Variants in FHL3 observed in about 807,000 individuals in gnomAD.
FHL3 encodes the protein four and a half LIM domains protein 3.
A neutral mutation model predicts 34.3 loss-of-function variants in FHL3; 21 were observed. The observed-to-expected ratio is 0.61, with a 90% CI of 0.43 to 0.88. The LOEUF is 0.88. Ranked by LOEUF, FHL3 falls within the 40% of genes least tolerant of loss-of-function variation. FHL3 has a pLI of 0.00. For synonymous variants in FHL3, 137 were observed against 144.6 expected (o/e 0.95, Z 0.38); for missense variants, 333 against 373.7 (o/e 0.89, Z 0.90).
intron 3 of FHL3, among the ~76,000 whole-genome samples, chr1:37,998,448 A>C (rs1030115246): frequency 6.6e-6 from 1 of 152,086 alleles, no homozygotes; most frequent in Non-Finnish European, 1.5e-5. Flanking sequence ...GCCCTCATAT[A>C]ACAGATGTGA....
In FHL3 at chr1:37,999,087, C is replaced by T. The variant is rs149245838; in HGVS notation, c.218G>A (p.Arg73His). Residue 73 changes from arginine to histidine, a missense_variant, in exon 3 of 6, where the codon CGC (arginine) becomes CAC (histidine). Physicochemically the swap from Arg to His is conservative, Grantham distance 29. Transcript: ENST00000373016. ...GGTGAAGGGTTCATCGGCTAGTGAG[C>T]GCTGGCAGCGGCAGCAGCGGAAGCA... ...EGCFRCCRCQRSLADEPFTCQ... is the reference protein window; with the variant it reads ...EGCFRCCRCQHSLADEPFTCQ... 8.8e-5 allele frequency: 142 copies of T among 1,614,160 alleles called. No homozygotes were observed. In the African/African-American group the frequency reaches 1.1e-3, roughly 12 times the overall value.
intron 1 of FHL3, among the ~76,000 whole-genome samples, chr1:38,003,817 G>C (rs1646618410): frequency 6.6e-6 from 1 of 152,162 alleles, no homozygotes; most frequent in South Asian, 2.1e-4. Context: ...TGGTGACATG[G>C]GGGTGGTCAG....
At chr1:38,003,665 A>G (rs563824522) in intron 1 of FHL3, among the ~76,000 whole-genome samples, 1 of 152,336 alleles carries the variant, frequency 6.6e-6, no homozygotes, top group South Asian at 2.1e-4. Flanking sequence ...ACAGAGTATC[A>G]TCCCCATTTT....
At chr1:37,998,903 A>G in intron 3 of FHL3, 71 bp downstream of exon 3, 1 of 1,472,844 alleles carries the variant, frequency 6.8e-7, no homozygotes, top group African/African-American at 1.4e-5. Context: ...GTCTCCATGT[A>G]TCAGACAGAC....
chr1:38,003,872 TCTC>T (rs948577053), intron 1 of FHL3, among the ~76,000 whole-genome samples: 1 of 151,984 alleles, frequency 6.6e-6, no homozygotes, highest in Non-Finnish European at 1.5e-5. Context: ...GCCTGGCTCT[TCTC>T]CTCAGCTGCT....
chr1:37,999,475 T>G (rs1415052806), intron 1 of FHL3, 43 bp from the exon 2 acceptor site: 1 of 1,587,652 alleles, frequency 6.3e-7, no homozygotes, highest in Non-Finnish European at 8.6e-7. Flanking sequence ...ACAGAGAGGC[T>G]GTGGCTTGGC....
chr1:38,004,897 A>G (rs1197648188), intron 1 of FHL3, among the ~76,000 whole-genome samples: 1 of 151,532 alleles, frequency 6.6e-6, no homozygotes, highest in Non-Finnish European at 1.5e-5. Context: ...TGCTCCACAA[A>G]GCCTAGGACG....
intron 1 of FHL3, among the ~76,000 whole-genome samples, chr1:38,001,994 T>C (rs78869780): frequency 6.3e-4 from 96 of 152,276 alleles, no homozygotes; most frequent in Non-Finnish European, 1.1e-3. Context: ...AGATAATAAA[T>C]ACTCAGAAAA....
chr1:37,998,884 A>G lies in FHL3; in HGVS notation c.331+90T>C, dbSNP rs544071756. ...ACATGCTGTGTATGCAGGTCTTTAC[A>G]CAGACCAAGTCTCCATGTATCAGAC... On this transcript the variant is annotated intron_variant, in intron 3 of 5. Transcript: ENST00000373016. 6.3e-5 allele frequency: 87 copies of G among 1,390,580 alleles called. No individual in the cohort carries two copies. The South Asian group carries it at 1.0e-3, about 17-fold the overall frequency. The allele number at this position is 1,390,580 out of a possible 1,614,324, so 86.1% of individuals were successfully genotyped here.
chr1:37,998,369 C>G (rs893058617), intron 3 of FHL3, among the ~76,000 whole-genome samples: 1 of 152,090 alleles, frequency 6.6e-6, no homozygotes, highest in African/African-American at 2.4e-5. Flanking sequence ...CCCCATATGT[C>G]CCAGAGATGA....
At position 37,999,424 on chromosome 1, in the gene FHL3, G is replaced by A; in HGVS notation, c.-12C>T. 1.2e-6 allele frequency: 2 copies of A among 1,613,908 alleles called. No individual in the cohort carries two copies. The highest frequency in any genetic ancestry group is 3.4e-4 in the Middle Eastern group (2 of 5,900). ...AATGACTCGCTCATGGTGGCAAGGG[G>A]AGAGAACCCTGTTAGGAGCACAAGG... On this transcript the variant is annotated 5_prime_UTR_variant, in exon 2 of 6. Coordinates refer to ENST00000373016, the MANE Select transcript of FHL3 (RefSeq NM_004468.5).
intron 1 of FHL3, 43 bp from the exon 2 acceptor site, chr1:37,999,475 T>C: frequency 6.3e-7 from 1 of 1,587,770 alleles, no homozygotes; most frequent in Non-Finnish European, 8.6e-7. Context: ...ACAGAGAGGC[T>C]GTGGCTTGGC....
At chr1:37,998,925 C>T (rs753448479) in intron 3 of FHL3, 49 bp downstream of exon 3, 2 of 1,582,652 alleles carry the variant, frequency 1.3e-6, no homozygotes, top group South Asian at 2.2e-5. Context: ...CATGCAAAGA[C>T]CCTACGCAGA....
Position 37,997,479 on chromosome 1 carries a change from A to G in FHL3, c.769T>C (p.Ser257Pro). The G allele has an allele frequency of 6.2e-7, 1 of 1,613,840 alleles. No homozygotes were observed. Among genetic ancestry groups the G allele is most frequent in the Non-Finnish European group, 8.5e-7 (1 of 1,179,916 alleles). Reference sequence around the variant, plus strand: ...GGTACGAAGCCCTGGCCCACCAGGGAGGTAGAGCAGCGGGCGCAGGAGAAG... The same window carrying G: ...GGTACGAAGCCCTGGCCCACCAGGGGGGTAGAGCAGCGGGCGCAGGAGAAG... ...NCFSCARCST[S>P]LVGQGFVPDG... Residue 257 changes from serine to proline, a missense_variant, in exon 6 of 6, where the codon TCC becomes CCC. Ser to Pro is a moderately conservative substitution (Grantham distance 74, BLOSUM62 -1). Transcript: ENST00000373016. This position sits in a 1 kb window ranked among gnomAD's most constrained non-coding sequence, Gnocchi z 4.3.
intron 1 of FHL3, among the ~76,000 whole-genome samples, chr1:38,001,739 A>G (rs1646597481): frequency 6.6e-6 from 1 of 151,884 alleles, no homozygotes; most frequent in South Asian, 2.1e-4. Flanking sequence ...ACCTCCAACA[A>G]TCTCCCCTCA....
chr1:37,999,847 A>T (rs1274444884), intron 1 of FHL3, among the ~76,000 whole-genome samples: 1 of 151,932 alleles, frequency 6.6e-6, no homozygotes, highest in Non-Finnish European at 1.5e-5. Context: ...CCCTCTCCTG[A>T]CTCCCAGGAA....
In FHL3 at chr1:38,004,676, C is replaced by T. The variant is rs537764443; in HGVS notation, c.-21+681G>A. Among the ~76,000 whole-genome samples the T allele has an allele frequency of 3.3e-5, 5 of 152,182 alleles. No homozygotes were observed. In the South Asian group the frequency reaches 1.0e-3, roughly 31 times the overall value. The stretch of plus-strand genomic sequence containing the variant: ...TGGCTGAATGTCTCAATCCCCACCA[C>T]CTCCCTTTCTCTGTCTCTGCATCCA... On this transcript the variant is annotated intron_variant, in intron 1 of 5. Coordinates refer to ENST00000373016, the MANE Select transcript of FHL3 (RefSeq NM_004468.5).
Position 37,999,526 on chromosome 1 carries a change from G to A in FHL3, c.-20-94C>T, listed in dbSNP as rs1646572133. The stretch of plus-strand genomic sequence containing the variant: ...CTCTGCATTCAAAACACAGCCAAGA[G>A]ACCCGGCATAGGAAATGCCAGTTCA... On this transcript the variant is annotated intron_variant, in intron 1 of 5. Coordinates refer to ENST00000373016, the MANE Select transcript of FHL3 (RefSeq NM_004468.5). 3.3e-6 allele frequency: 4 copies of A among 1,223,124 alleles called. No homozygotes were observed. The South Asian group carries it at 5.8e-5, about 18-fold the overall frequency. 75.8% of individuals were successfully genotyped at this position (1,223,124 alleles called of 1,614,324 possible).
intron 1 of FHL3, among the ~76,000 whole-genome samples, chr1:38,000,529 G>A (rs1167069121): frequency 1.3e-5 from 2 of 152,126 alleles, no homozygotes; most frequent in East Asian, 3.9e-4. Context: ...CTTGGGTGGG[G>A]AGTAGGACAA....
Sources: gnomAD v4.1 joint callset for allele counts (sites outside exome capture counted in the v4.1 genomes callset) on GRCh38, gnomAD v4.1.1 for gene constraint, Gnocchi (gnomAD v3.1) non-coding constraint, MANE v1.5 for transcripts, NCBI Gene and HGNC (gene_info 2026-07-23, HGNC 2026-07-21) for gene names.